Variants in ARHGEF26 observed in about 807,000 individuals in gnomAD.
ARHGEF26 encodes the protein Rho guanine nucleotide exchange factor 26.
In ARHGEF26, 59 loss-of-function variants were observed where a neutral mutation model predicts 89.4. The observed-to-expected ratio is 0.66, with a 90% CI of 0.54 to 0.82. The LOEUF is 0.82. Ranked by LOEUF, ARHGEF26 falls within the 40% of genes least tolerant of loss-of-function variation. ARHGEF26 has a pLI of 0.00. For synonymous variants in ARHGEF26, 500 were observed against 428.4 expected (o/e 1.17, Z -2.06); for missense variants, 1,234 against 1,085.6 (o/e 1.14, Z -1.92).
chr3:154,156,081 G>A (rs769363094), intron 6 of ARHGEF26, among the ~76,000 whole-genome samples: 1 of 151,836 alleles, frequency 6.6e-6, no homozygotes, highest in Non-Finnish European at 1.5e-5. Context: ...TTTAATTTCT[G>A]TCTGTGTACT....
chr3:154,247,063 C>T (rs1359905306), intron 12 of ARHGEF26, among the ~76,000 whole-genome samples: 1 of 152,186 alleles, frequency 6.6e-6, no homozygotes, highest in East Asian at 1.9e-4. Context: ...ATCTTCCTTT[C>T]TTTACCTCTA....
chr3:154,226,118 T>C (rs551947477), intron 11 of ARHGEF26, 108 bp downstream of exon 11: 732 of 985,390 alleles, frequency 7.4e-4, no homozygotes, highest in South Asian at 1.8e-3. Flanking sequence ...GTTGGAAGTA[T>C]AGTTTCTACA....
At chr3:154,125,796 T>C (rs1399032963) in intron 3 of ARHGEF26, among the ~76,000 whole-genome samples, 1 of 152,096 alleles carries the variant, frequency 6.6e-6, no homozygotes, top group Non-Finnish European at 1.5e-5. Context: ...TTCATGTACA[T>C]ACATATGTAC....
chr3:154,213,437 A>T (rs1715520909), intron 9 of ARHGEF26, among the ~76,000 whole-genome samples: 1 of 65,802 alleles, frequency 1.5e-5, no homozygotes, highest in Non-Finnish European at 2.7e-5. Flanking sequence ...AATACTAATT[A>T]AAATCAACTC....
rs560835891 is a variant in ARHGEF26, at chr3:154,216,244, T to C, written c.1846-1625T>C. On this transcript the variant is annotated intron_variant, in intron 9 of 14. Transcript: ENST00000465093. The stretch of plus-strand genomic sequence containing the variant: ...TGACTCTAATATGGGCATTTTTTTT[T>C]CCAGATTTTCCAGTTAATGAGATAC... 2.8e-3 allele frequency among the ~76,000 whole-genome samples: 424 copies of C among 152,106 alleles called. 1 individual carries two copies. The highest frequency in any genetic ancestry group is 4.0e-3 in the Non-Finnish European group (270 of 67,984).
At chr3:154,221,631 C>A (rs1362879213) in intron 10 of ARHGEF26, among the ~76,000 whole-genome samples, 1 of 152,040 alleles carries the variant, frequency 6.6e-6, no homozygotes, top group Non-Finnish European at 1.5e-5. Flanking sequence ...TAATGTGATA[C>A]CACTCAAAAG....
intron 9 of ARHGEF26, among the ~76,000 whole-genome samples, chr3:154,205,872 T>G (rs1714987919): frequency 6.6e-6 from 1 of 152,222 alleles, no homozygotes; most frequent in Non-Finnish European, 1.5e-5. Context: ...GTTACTATTT[T>G]TGATTGGTTA....
At chr3:154,159,229 C>G (rs966434921) in intron 6 of ARHGEF26, among the ~76,000 whole-genome samples, 2 of 151,976 alleles carry the variant, frequency 1.3e-5, no homozygotes, top group Non-Finnish European at 1.5e-5. Flanking sequence ...ACAGAGTGTG[C>G]TGTTATTAGT....
At chr3:154,132,936 C>A (rs571167773) in intron 4 of ARHGEF26, among the ~76,000 whole-genome samples, 1 of 152,122 alleles carries the variant, frequency 6.6e-6, no homozygotes, top group Non-Finnish European at 1.5e-5. Flanking sequence ...GGTTTTCTGG[C>A]AGTGGGTTAG....
At position 154,200,034 on chromosome 3, in the gene ARHGEF26, A is replaced by G. The variant is rs563378319; in HGVS notation, c.1845+5316A>G. On this transcript the variant is annotated intron_variant, in intron 9 of 14. Transcript: ENST00000465093. ...TGTCTCTTCCCTTTGTTGACTCTAT[A>G]CTTTGCTCTGCAGAAGCCTTTTAAC... Among the ~76,000 whole-genome samples the G allele has an allele frequency of 7.9e-5, 12 of 151,962 alleles. No homozygotes were observed. In the East Asian group the frequency reaches 1.9e-3, roughly 25 times the overall value.
In ARHGEF26 at chr3:154,122,079, T is replaced by A; in HGVS notation, c.87T>A (p.Val29=). The A allele has an allele frequency of 1.2e-6, 2 of 1,612,334 alleles. No homozygotes were observed. Among genetic ancestry groups the A allele is most frequent in the Non-Finnish European group, 1.7e-6 (2 of 1,179,264 alleles). ...GGTCGATTCCTCAGCCCCACCAGGT[T>A]CTGGGCCGGAGCAAGCCGAGGCCCC... ...RRRSIPQPHQ[V]LGRSKPRPQS... The change falls in exon 2 of 15, where the codon GTT becomes GTA. Residue 29 remains valine (V), a synonymous_variant. Coordinates refer to ENST00000465093, the MANE Select transcript of ARHGEF26 (RefSeq NM_015595.4).
rs567627213 is a variant in ARHGEF26, at chr3:154,257,179, G to A, written c.*1706G>A. ...GCAATGAGCCAGTGTGGGGCACTGGGGACTTCTAACCCTTGGATTGCTCTT... is the reference window on the plus strand; with the variant it reads ...GCAATGAGCCAGTGTGGGGCACTGGAGACTTCTAACCCTTGGATTGCTCTT... On this transcript the variant is annotated 3_prime_UTR_variant, in exon 15 of 15. Transcript: ENST00000465093. The A allele has an allele frequency of 2.0e-6, 1 of 508,162 alleles. No homozygotes were observed. Among genetic ancestry groups the A allele is most frequent in the East Asian group, 3.5e-5 (1 of 28,706 alleles). 31.5% of individuals were successfully genotyped at this position (508,162 alleles called of 1,614,324 possible).
At chr3:154,136,025 C>T (rs1718981702) in intron 4 of ARHGEF26, among the ~76,000 whole-genome samples, 1 of 152,116 alleles carries the variant, frequency 6.6e-6, no homozygotes, top group Non-Finnish European at 1.5e-5. Context: ...TAATTTCCAT[C>T]ACCTTGAAAT....
intron 7 of ARHGEF26, among the ~76,000 whole-genome samples, chr3:154,189,531 G>A (rs1045341598): frequency 2.6e-5 from 4 of 151,988 alleles, no homozygotes; most frequent in Admixed American, 2.6e-4. Context: ...TAGAGACTGG[G>A]TTTCACCGTA....
At chr3:154,238,035 T>G (rs1009700675) in intron 11 of ARHGEF26, among the ~76,000 whole-genome samples, 1 of 152,216 alleles carries the variant, frequency 6.6e-6, no homozygotes, top group Non-Finnish European at 1.5e-5. Context: ...GTTTTGGTTT[T>G]TATCCTGAGT....
chr3:154,228,757 G>A (rs1181830422), intron 11 of ARHGEF26, among the ~76,000 whole-genome samples: 1 of 152,118 alleles, frequency 6.6e-6, no homozygotes, highest in Non-Finnish European at 1.5e-5. Flanking sequence ...CAAATGCTTT[G>A]CATGCCAGAG....
chr3:154,127,692 T>C (rs1467984050), intron 3 of ARHGEF26, among the ~76,000 whole-genome samples: 1 of 152,086 alleles, frequency 6.6e-6, no homozygotes. Flanking sequence ...TAACATAGTT[T>C]ATTATCATTA....
chr3:154,240,685 T>C, intron 12 of ARHGEF26, 106 bp downstream of exon 12: 1 of 1,022,116 alleles, frequency 9.8e-7, no homozygotes, highest in Non-Finnish European at 1.4e-6. Context: ...TTCATGTTTT[T>C]GTTGAGCACC....
intron 6 of ARHGEF26, among the ~76,000 whole-genome samples, chr3:154,157,802 G>A (rs574046906): frequency 3.3e-5 from 5 of 152,190 alleles, no homozygotes; most frequent in South Asian, 2.1e-4. Context: ...AAGGAATTCA[G>A]TTTGGGGCAT....
Sources: gnomAD v4.1 joint callset for allele counts (sites outside exome capture counted in the v4.1 genomes callset) on GRCh38, gnomAD v4.1.1 for gene constraint, MANE v1.5 for transcripts, NCBI Gene and HGNC (gene_info 2026-07-23, HGNC 2026-07-21) for gene names.